Variants in TSPAN11 observed in about 807,000 individuals in gnomAD.
The protein encoded by TSPAN11 is tetraspanin-11.
TSPAN11 carries 29 observed loss-of-function variants against 32.9 expected under a neutral mutation model. The observed-to-expected ratio is 0.88, with a 90% CI of 0.66 to 1.20. The LOEUF is 1.20. Among genes scored for constraint, TSPAN11 ranks in the 50% most tolerant of loss-of-function variants. The probability of loss-of-function intolerance (pLI) is 0.00; values close to 1 mark genes in which losing one functional copy is unlikely to be tolerated. For synonymous variants in TSPAN11, 140 were observed against 141.3 expected (o/e 0.99, Z 0.07); for missense variants, 283 against 329.1 (o/e 0.86, Z 1.08).
intron 1 of TSPAN11, among the ~76,000 whole-genome samples, chr12:30,950,102 C>G (rs911140677): frequency 2.0e-5 from 3 of 152,070 alleles, no homozygotes; most frequent in Non-Finnish European, 2.9e-5. Flanking sequence ...CCATTCCCCC[C>G]ACCCCCTTCT....
chr12:30,974,682 G>C (rs1938924137), intron 3 of TSPAN11, among the ~76,000 whole-genome samples: 1 of 152,216 alleles, frequency 6.6e-6, no homozygotes, highest in Non-Finnish European at 1.5e-5. Context: ...CTCAGATGTG[G>C]TCCCTGTTTC....
the TSPAN11 span, among the ~76,000 whole-genome samples, chr12:31,010,119 C>A: frequency 6.6e-6 from 1 of 152,128 alleles, no homozygotes; most frequent in African/African-American, 2.4e-5. Flanking sequence ...TGATGTCTAC[C>A]AAGTGCTATG....
chr12:30,966,792 C>T (rs771737416), intron 3 of TSPAN11, among the ~76,000 whole-genome samples: 5 of 152,312 alleles, frequency 3.3e-5, no homozygotes, highest in East Asian at 1.9e-4. Flanking sequence ...GCACCTAGCC[C>T]GGAACCCTAG....
In TSPAN11 at chr12:30,975,677, CT is replaced by C. The variant is rs1938955069; in HGVS notation, c.277-2883del. Among the ~76,000 whole-genome samples the C allele has an allele frequency of 6.6e-6, 1 of 151,810 alleles. No individual in the cohort carries two copies. The highest frequency in any genetic ancestry group is 2.1e-4 in the South Asian group (1 of 4,766). On this transcript the variant is annotated intron_variant, in intron 3 of 7. Coordinates refer to ENST00000546076, the MANE Select transcript of TSPAN11 (RefSeq NM_001370302.1). This position sits in a 1 kb window ranked among gnomAD's most constrained non-coding sequence, Gnocchi z 4.5. ...TTCCCCACCCCGTCTTCAATAGTAA[CT>C]GGGGCAGTGGCTTCCCCCGAGAAGT...
chr12:30,965,320 T>C (rs917763049), intron 3 of TSPAN11, among the ~76,000 whole-genome samples: 3 of 152,170 alleles, frequency 2.0e-5, no homozygotes, highest in African/African-American at 7.2e-5. Flanking sequence ...CCTCTGGCCC[T>C]CACGCCTGGA....
At chr12:30,937,049 C>A (rs536492823) in intron 1 of TSPAN11, among the ~76,000 whole-genome samples, 1 of 152,302 alleles carries the variant, frequency 6.6e-6, no homozygotes, top group Non-Finnish European at 1.5e-5. Flanking sequence ...TAACATGAAA[C>A]CAGCAGTGGG....
intron 5 of TSPAN11, among the ~76,000 whole-genome samples, chr12:30,980,847 G>C (rs1939076355): frequency 6.6e-6 from 1 of 152,204 alleles, no homozygotes; most frequent in Admixed American, 6.5e-5. Flanking sequence ...GGCCAGCCCT[G>C]TGCAAAACTA....
At chr12:30,958,086 G>A (rs1156313670) in intron 2 of TSPAN11, among the ~76,000 whole-genome samples, 1 of 152,004 alleles carries the variant, frequency 6.6e-6, no homozygotes, top group African/African-American at 2.4e-5. Flanking sequence ...ACAGCTCCAA[G>A]GAAGGTTTCC....
At chr12:30,930,880 G>A (rs190629117) in intron 1 of TSPAN11, among the ~76,000 whole-genome samples, 12 of 152,318 alleles carry the variant, frequency 7.9e-5, no homozygotes, top group Non-Finnish European at 1.5e-4. Flanking sequence ...CACAACTATG[G>A]AGGGGGAAGT....
chr12:30,970,469 C>T (rs1486872886), intron 3 of TSPAN11, among the ~76,000 whole-genome samples: 1 of 152,196 alleles, frequency 6.6e-6, no homozygotes, highest in Non-Finnish European at 1.5e-5. Flanking sequence ...ATTGAAGGGC[C>T]TCAGCCACAT....
chr12:30,985,340 T>C (rs1939179835), intron 7 of TSPAN11, among the ~76,000 whole-genome samples: 1 of 152,114 alleles, frequency 6.6e-6, no homozygotes, highest in African/African-American at 2.4e-5. Flanking sequence ...AGGTGTTCAA[T>C]AAATGATACC....
intron 3 of TSPAN11, among the ~76,000 whole-genome samples, chr12:30,974,764 G>A (rs1037892119): frequency 2.0e-5 from 3 of 152,230 alleles, no homozygotes; most frequent in African/African-American, 7.2e-5. Context: ...CGGAGCAATG[G>A]GTAAAGTTGT....
At chr12:30,990,053 T>C (rs1343383324) in intron 7 of TSPAN11, among the ~76,000 whole-genome samples, 13 of 152,324 alleles carry the variant, frequency 8.5e-5, no homozygotes, top group Non-Finnish European at 5.9e-5. Flanking sequence ...CAGTGTCCTC[T>C]GTCAGGAGGG....
chr12:30,970,568 C>T (rs757916959), intron 3 of TSPAN11, among the ~76,000 whole-genome samples: 18 of 152,314 alleles, frequency 1.2e-4, no homozygotes, highest in Non-Finnish European at 2.2e-4. Flanking sequence ...CTCTCTCTGT[C>T]CACCGGCTCT....
At chr12:30,983,187 G>T (rs988323638) in intron 7 of TSPAN11, 37 bp downstream of exon 7, 1 of 1,575,028 alleles carries the variant, frequency 6.3e-7, no homozygotes, top group African/African-American at 1.3e-5. Context: ...GGGTGGAAGG[G>T]CTCTGAACCC....
the TSPAN11 span, among the ~76,000 whole-genome samples, chr12:31,007,817 A>T: frequency 6.6e-6 from 1 of 152,198 alleles, no homozygotes. Context: ...GAGCAGGGAC[A>T]ACATGTCAGT....
intron 1 of TSPAN11, among the ~76,000 whole-genome samples, chr12:30,935,575 G>C (rs1938029301): frequency 6.6e-6 from 1 of 151,922 alleles, no homozygotes; most frequent in African/African-American, 2.4e-5. Context: ...GTAGAGACGG[G>C]GTTTCACCAT....
chr12:30,982,367 C>T (rs1467250018), intron 5 of TSPAN11, among the ~76,000 whole-genome samples, 165 bp from the exon 6 acceptor site: 3 of 152,012 alleles, frequency 2.0e-5, no homozygotes, highest in African/African-American at 7.3e-5. Flanking sequence ...GTGACCAGCT[C>T]TCTGCTCAAA....
At chr12:30,973,140 G>A (rs999576124) in intron 3 of TSPAN11, among the ~76,000 whole-genome samples, 3 of 152,208 alleles carry the variant, frequency 2.0e-5, no homozygotes, top group Non-Finnish European at 4.4e-5. Flanking sequence ...TCAGAGCACA[G>A]GTTCTGCAGC....
Sources: gnomAD v4.1 joint callset for allele counts (sites outside exome capture counted in the v4.1 genomes callset) on GRCh38, gnomAD v4.1.1 for gene constraint, Gnocchi (gnomAD v3.1) non-coding constraint, MANE v1.5 for transcripts, NCBI Gene and HGNC (gene_info 2026-07-23, HGNC 2026-07-21) for gene names.